HMCN1: variants seen among roughly 807,000 people sequenced by gnomAD.
HMCN1 encodes hemicentin-1.
A neutral mutation model predicts 625.9 loss-of-function variants in HMCN1; 321 were observed. That is an observed-to-expected ratio of 0.51 (90% CI 0.47 to 0.56). HMCN1 has a LOEUF of 0.56. Among genes scored for constraint, HMCN1 ranks in the 20% least tolerant of loss-of-function variants. HMCN1 has a pLI of 0.00. For synonymous variants in HMCN1, 2,425 were observed against 2,417.6 expected, an observed-to-expected ratio of 1.00 and a Z score of -0.09; for missense variants, 6,588 against 6,887.3, an observed-to-expected ratio of 0.96 and a Z score of 1.54.
chr1:186,080,849 A>G (rs1036544446), intron 55 of HMCN1, among the ~76,000 whole-genome samples: 1 of 152,092 alleles, frequency 6.6e-6, no homozygotes, highest in African/African-American at 2.4e-5. Context: ...TTAAATATCT[A>G]TTTATACAGA....
intron 97 of HMCN1, among the ~76,000 whole-genome samples, chr1:186,159,682 T>C (rs1485841629): frequency 6.6e-6 from 1 of 152,208 alleles, no homozygotes; most frequent in East Asian, 1.9e-4. Flanking sequence ...GATAATCATG[T>C]GGTTTTTGTC....
At chr1:186,169,864 A>G (rs1034909611) in intron 100 of HMCN1, among the ~76,000 whole-genome samples, 39 of 152,210 alleles carry the variant, frequency 2.6e-4, no homozygotes, top group African/African-American at 9.2e-4. Flanking sequence ...TCTGCACAGC[A>G]GAAGAAACTA....
chr1:186,146,015 G>C, intron 93 of HMCN1, 92 bp downstream of exon 93: 1 of 1,264,714 alleles, frequency 7.9e-7, no homozygotes, highest in Non-Finnish European at 1.1e-6. Context: ...TGCCAACCCT[G>C]AGAGGTGGAA....
rs75815508 is a variant in HMCN1 at position 186,167,507 on chromosome 1, C to G, written c.15574+565C>G. On this transcript the variant is annotated intron_variant, in intron 100 of 106. Coordinates refer to ENST00000271588, the MANE Select transcript of HMCN1 (RefSeq NM_031935.3). The stretch of plus-strand genomic sequence containing the variant: ...CTGACACATCATTATCACTCAGAGT[C>G]TAGCTTAGATTAAGCTTCTCTTGGT... Among the ~76,000 whole-genome samples, 140 of 152,296 alleles carry G rather than the reference C, an allele frequency of 9.2e-4. No individual in the cohort carries two copies. The East Asian group carries it at 0.022, about 24-fold the overall frequency.
chr1:186,078,702 A>G, intron 55 of HMCN1, among the ~76,000 whole-genome samples: 1 of 152,202 alleles, frequency 6.6e-6, no homozygotes, highest in Admixed American at 6.5e-5. Context: ...CCTAGAATTG[A>G]ATTTCCGTGG....
chr1:185,824,340 G>T (rs1283915514), intron 1 of HMCN1, among the ~76,000 whole-genome samples: 2 of 152,104 alleles, frequency 1.3e-5, no homozygotes, highest in Non-Finnish European at 2.9e-5. Context: ...CTAAACTCTT[G>T]TGGCTTTGTT....
intron 44 of HMCN1, among the ~76,000 whole-genome samples, chr1:186,054,943 C>A (rs1237640242): frequency 1.3e-5 from 2 of 151,994 alleles, no homozygotes; most frequent in East Asian, 3.9e-4. Context: ...GTGGTTACCC[C>A]AGTTTTCCAA....
rs763177925 is a variant in HMCN1, at chr1:185,933,603, G to T, written c.1607G>T (p.Arg536Ile). 6.2e-7 allele frequency: 1 copy of T among 1,613,986 alleles called. No homozygotes were observed. Among genetic ancestry groups the T allele is most frequent in the Non-Finnish European group, 8.5e-7 (1 of 1,179,926 alleles). ...PNNVTVTPGE[R>I]AVLTCLIISA... is the part of the protein sequence containing the mutation. ...AATGTTACAGTCACTCCTGGAGAGAGAGCAGTTTTAACATGTCTCATCATC... is the reference window on the plus strand; with the variant it reads ...AATGTTACAGTCACTCCTGGAGAGATAGCAGTTTTAACATGTCTCATCATC... Residue 536 changes from arginine to isoleucine, a missense_variant, in exon 11 of 107, where the codon AGA becomes ATA. This residue lies in a region of HMCN1 where 4,628 missense variants were observed against 4,853.1 expected (regional missense o/e 0.95). Coordinates refer to ENST00000271588, the MANE Select transcript of HMCN1 (RefSeq NM_031935.3).
intron 1 of HMCN1, among the ~76,000 whole-genome samples, chr1:185,764,888 G>T (rs1655769681): frequency 6.6e-6 from 1 of 152,192 alleles, no homozygotes; most frequent in African/African-American, 2.4e-5. Context: ...TCTTAGAGGT[G>T]TCAATCTGTC....
At chr1:186,059,655 C>G (rs778965496) in intron 46 of HMCN1, among the ~76,000 whole-genome samples, 1 of 151,998 alleles carries the variant, frequency 6.6e-6, no homozygotes, top group Non-Finnish European at 1.5e-5. Context: ...CTGTACATGC[C>G]TATTTCATTA....
chr1:185,881,518 G>C (rs1258625763), intron 4 of HMCN1, among the ~76,000 whole-genome samples: 1 of 152,156 alleles, frequency 6.6e-6, no homozygotes, highest in Non-Finnish European at 1.5e-5. Context: ...ACGGGGTAGG[G>C]TGGAGCCATG....
chr1:185,744,187 G>C (rs1390313636), intron 1 of HMCN1, among the ~76,000 whole-genome samples: 1 of 151,524 alleles, frequency 6.6e-6, no homozygotes. Flanking sequence ...GTAGAGACGG[G>C]GTTGCACCGT....
rs537540763 is a variant in HMCN1, at chr1:185,994,793, A to G, written c.3506-22A>G. ...AGGAATTTGTGAAAGTTGGATTATTAATACCCAGTTATTATTTCTAGTTCC... is the reference window on the plus strand; with the variant it reads ...AGGAATTTGTGAAAGTTGGATTATTGATACCCAGTTATTATTTCTAGTTCC... On this transcript the variant is annotated intron_variant, in intron 23 of 106. Coordinates refer to ENST00000271588, the MANE Select transcript of HMCN1 (RefSeq NM_031935.3). 8.8e-5 allele frequency: 141 copies of G among 1,609,240 alleles called. 1 individual carries two copies. In the South Asian group the frequency reaches 1.5e-3, roughly 17 times the overall value.
At chr1:185,858,586 ATTTTTTTTTTTTTTTTTTTTTTTT>A (rs71101980) in intron 2 of HMCN1, among the ~76,000 whole-genome samples, 62 of 34,748 alleles carry the variant, frequency 1.8e-3, no homozygotes, top group Middle Eastern at 0.018. Flanking sequence ...CACCCAGCTA[ATTTTTTTTTTTTTTTTTTTTTTTT>A]TTTTTTTTTT....
chr1:185,734,619 T>A lies in HMCN1; in HGVS notation c.-161T>A, dbSNP rs1407689714. The A allele has an allele frequency of 2.9e-6, 2 of 695,246 alleles. No homozygotes were observed. 43.1% of individuals were successfully genotyped at this position (695,246 alleles called of 1,614,324 possible). A position where few individuals can be genotyped will look rare whatever the true frequency, so the allele number is the denominator to read the frequency against. On this transcript the variant is annotated 5_prime_UTR_variant, in exon 1 of 107. Transcript: ENST00000271588. ...AACCCCTGGAGGGATTCGAGTTTGGTGCTTGTCCCCGTCTGATTCTCAGCG... is the reference window on the plus strand; with the variant it reads ...AACCCCTGGAGGGATTCGAGTTTGGAGCTTGTCCCCGTCTGATTCTCAGCG...
In HMCN1 at chr1:185,952,893, G is replaced by T. The variant is rs141174204; in HGVS notation, c.1829-9625G>T. Among the ~76,000 whole-genome samples the T allele has an allele frequency of 4.4e-4, 66 of 150,506 alleles. No individual in the cohort carries two copies. In the East Asian group the frequency reaches 0.012, roughly 28 times the overall value. ...TGGGACACGGAAATAAGGAATTGGG[G>T]CACAGAGATAAGAGGTTGGGGTGCA... On this transcript the variant is annotated intron_variant, in intron 11 of 106. Transcript: ENST00000271588.
At chr1:186,168,904 C>T (rs903704893) in intron 100 of HMCN1, among the ~76,000 whole-genome samples, 8 of 152,064 alleles carry the variant, frequency 5.3e-5, no homozygotes, top group South Asian at 2.1e-4. Flanking sequence ...CTAATGCTAT[C>T]CCTCCCCTAA....
chr1:185,891,567 T>G lies in HMCN1; in HGVS notation c.622-17770T>G, dbSNP rs540629825. Reference sequence around the variant, plus strand: ...AAGTATTTAATTTCTCCTTCACTTATGAAGCTTAGTTTGGCTGGATATGAA... The same window carrying G: ...AAGTATTTAATTTCTCCTTCACTTAGGAAGCTTAGTTTGGCTGGATATGAA... On this transcript the variant is annotated intron_variant, in intron 4 of 106. Transcript: ENST00000271588. Among the ~76,000 whole-genome samples, 24 of 147,782 alleles carry G rather than the reference T, an allele frequency of 1.6e-4. 1 individual carries two copies. In the East Asian group the frequency reaches 4.6e-3, roughly 29 times the overall value.
intron 1 of HMCN1, among the ~76,000 whole-genome samples, chr1:185,823,434 T>C (rs1038762055): frequency 6.6e-6 from 1 of 152,222 alleles, no homozygotes; most frequent in African/African-American, 2.4e-5. Flanking sequence ...AGGTAAAGTG[T>C]AAATAATGTT....
Sources: allele counts gnomAD v4.1 joint callset (sites outside exome capture counted in the v4.1 genomes callset), GRCh38; gene constraint gnomAD v4.1.1; regional missense constraint gnomAD v4.1.1; transcripts MANE v1.5; gene names NCBI Gene and HGNC (gene_info 2026-07-23, HGNC 2026-07-21).